LAMA1: variants seen among roughly 807,000 people sequenced by gnomAD.
LAMA1 encodes laminin subunit alpha-1.
Under a neutral mutation model 348.7 loss-of-function variants are expected in LAMA1, and 219 were observed. That is an observed-to-expected ratio of 0.63 (90% CI 0.56 to 0.70). LAMA1 has a LOEUF of 0.70. Among genes scored for constraint, LAMA1 ranks in the 30% least tolerant of loss-of-function variants. LAMA1 has a pLI of 0.00. For synonymous variants in LAMA1, 1,487 were observed against 1,491.0 expected (o/e 1.00, Z 0.06); for missense variants, 3,744 against 3,888.0 (o/e 0.96, Z 0.99).
intron 57 of LAMA1, among the ~76,000 whole-genome samples, chr18:6,952,944 T>A (rs1254980635): frequency 6.7e-6 from 1 of 148,286 alleles, no homozygotes; most frequent in African/African-American, 2.5e-5. Context: ...GTCCAGTGGA[T>A]CCACACCATG....
At chr18:6,946,202 T>C (rs76472568) in intron 61 of LAMA1, among the ~76,000 whole-genome samples, 6,981 of 152,168 alleles carry the variant, frequency 0.046, 558 homozygotes, top group African/African-American at 0.16. Flanking sequence ...GGGAACGGAC[T>C]GTTGATATGC....
chr18:6,985,271 C>A lies in LAMA1; in HGVS notation c.5626G>T (p.Ala1876Ser). Residue 1876 changes from alanine to serine, a missense_variant, in exon 39 of 63, where the codon GCT (alanine) becomes TCT (serine). By Grantham distance (99) the Ala-to-Ser change is moderately conservative. Coordinates refer to ENST00000389658, the MANE Select transcript of LAMA1 (RefSeq NM_005559.4). ...ACATCTGCTAGTCTCTGGAACTCAG[C>A]GGCATGGTCCTCAGCTCTGTAGACC... ...DLVYRAEDHA[A>S]EFQRLADVLY... The A allele has an allele frequency of 8.1e-6, 13 of 1,614,026 alleles. No individual in the cohort carries two copies. The highest frequency in any genetic ancestry group is 1.1e-5 in the South Asian group (1 of 91,084).
At chr18:7,115,693 G>A (rs921326873) in intron 1 of LAMA1, among the ~76,000 whole-genome samples, 1 of 151,224 alleles carries the variant, frequency 6.6e-6, no homozygotes, top group African/African-American at 2.4e-5. Flanking sequence ...AAATCAGGCC[G>A]GGCGCGGCGG....
intron 1 of LAMA1, among the ~76,000 whole-genome samples, chr18:7,110,183 C>G (rs902533120): frequency 1.4e-5 from 2 of 145,322 alleles, no homozygotes; most frequent in Admixed American, 6.6e-5. Context: ...TCCATCCCCC[C>G]ACCCGCTGCC....
intron 1 of LAMA1, among the ~76,000 whole-genome samples, chr18:7,094,426 CAAAA>C (rs1194222301): frequency 0.031 from 1,989 of 63,456 alleles, 48 homozygotes; most frequent in African/African-American, 0.082. Flanking sequence ...GACTCCGTCT[CAAAA>C]AAAAAAAAAA....
chr18:7,091,803 G>A (rs2058240745), intron 1 of LAMA1, among the ~76,000 whole-genome samples: 1 of 152,140 alleles, frequency 6.6e-6, no homozygotes, highest in African/African-American at 2.4e-5. Flanking sequence ...GTGCCTAGTG[G>A]TAACTGCAAT....
chr18:7,050,173 G>A (rs75623197), intron 4 of LAMA1, among the ~76,000 whole-genome samples: 81 of 152,248 alleles, frequency 5.3e-4, no homozygotes, highest in African/African-American at 1.8e-3. Context: ...CAGAGTTCCC[G>A]CTGTGAAGAG....
intron 1 of LAMA1, among the ~76,000 whole-genome samples, chr18:7,083,669 A>G (rs537829303): frequency 6.6e-6 from 1 of 152,264 alleles, no homozygotes; most frequent in Non-Finnish European, 1.5e-5. Flanking sequence ...TTGGAAAAAA[A>G]TATTCACTAA....
intron 5 of LAMA1, among the ~76,000 whole-genome samples, chr18:7,047,987 G>A (rs1315699442): frequency 6.6e-6 from 1 of 152,112 alleles, no homozygotes; most frequent in Non-Finnish European, 1.5e-5. Flanking sequence ...ATTTTTTGAG[G>A]TCATAGAAAG....
At chr18:6,960,887 C>A (rs145517779) in intron 53 of LAMA1, among the ~76,000 whole-genome samples, 2 of 149,662 alleles carry the variant, frequency 1.3e-5, no homozygotes, top group Admixed American at 1.3e-4. Flanking sequence ...ATTCCCCTTG[C>A]AGCATGGTTG....
chr18:7,065,348 A>T (rs956043637), intron 3 of LAMA1, among the ~76,000 whole-genome samples: 2 of 152,028 alleles, frequency 1.3e-5, no homozygotes, highest in African/African-American at 4.8e-5. Context: ...TAAACCTAAA[A>T]CTTCTCTAAA....
intron 1 of LAMA1, among the ~76,000 whole-genome samples, chr18:7,106,950 G>A (rs1237042074): frequency 6.6e-6 from 1 of 151,948 alleles, no homozygotes; most frequent in Non-Finnish European, 1.5e-5. Flanking sequence ...AAAGCAGCCA[G>A]CCAGTGCTGC....
At chr18:6,968,746 T>C (rs905954546) in intron 48 of LAMA1, among the ~76,000 whole-genome samples, 3 of 152,214 alleles carry the variant, frequency 2.0e-5, no homozygotes, top group African/African-American at 7.2e-5. Context: ...AGTGACCCCA[T>C]GTACAAGTGT....
At chr18:7,092,877 C>T (rs1598315706) in intron 1 of LAMA1, among the ~76,000 whole-genome samples, 1 of 152,254 alleles carries the variant, frequency 6.6e-6, no homozygotes. Flanking sequence ...CTTCTGCTGG[C>T]CATCCCAAAG....
rs761421935 is a variant in LAMA1 at position 6,995,329 on chromosome 18, AGGTT to A, written c.4896+24_4896+27del. 4.7e-6 allele frequency: 7 copies of A among 1,489,774 alleles called. 1 individual carries two copies. In the South Asian group the frequency reaches 7.9e-5, roughly 17 times the overall value. The allele number at this position is 1,489,774 out of a possible 1,614,324, so 92.3% of individuals were successfully genotyped here. ...GGGCTGATGGGAGGGACCAGGAGGA[AGGTT>A]GGTTGGTTATGGAAAGAATTTACCT... is the stretch of plus-strand genomic sequence containing the variant. On this transcript the variant is annotated intron_variant, in intron 34 of 62. Transcript: ENST00000389658.
intron 3 of LAMA1, among the ~76,000 whole-genome samples, chr18:7,063,450 C>CA (rs909701838): frequency 2.6e-5 from 4 of 151,938 alleles, no homozygotes; most frequent in African/African-American, 7.3e-5. Flanking sequence ...GGTGGTCCCT[C>CA]AAAAAATTAA....
At chr18:6,997,149 C>T (rs1338594206) in intron 33 of LAMA1, among the ~76,000 whole-genome samples, 1 of 151,012 alleles carries the variant, frequency 6.6e-6, no homozygotes, top group African/African-American at 2.4e-5. Flanking sequence ...CTGCAACCTC[C>T]ACCTCCCAGG....
chr18:7,089,273 G>A (rs540375544), intron 1 of LAMA1, among the ~76,000 whole-genome samples: 37 of 152,234 alleles, frequency 2.4e-4, no homozygotes, highest in Admixed American at 7.8e-4. Context: ...CACCTAATCG[G>A]GAGATTGAGG....
chr18:7,105,234 T>G (rs1315311281), intron 1 of LAMA1, among the ~76,000 whole-genome samples: 2 of 151,374 alleles, frequency 1.3e-5, no homozygotes, highest in African/African-American at 4.9e-5. Context: ...AGGTCAGGAG[T>G]TCTCAAGACC....
Sources: allele counts gnomAD v4.1 joint callset (sites outside exome capture counted in the v4.1 genomes callset), GRCh38; gene constraint gnomAD v4.1.1; transcripts MANE v1.5; gene names NCBI Gene and HGNC (gene_info 2026-07-23, HGNC 2026-07-21).